The following WDTC1 variants were observed in gnomAD, a reference collection of about 807,000 sequenced individuals.
WDTC1 encodes the protein WD and tetratricopeptide repeats protein 1.
Under a neutral mutation model 76.0 loss-of-function variants are expected in WDTC1, and 12 were observed. That is an observed-to-expected ratio of 0.16 (90% CI 0.10 to 0.26). The LOEUF (loss-of-function observed/expected upper bound fraction) is 0.26. WDTC1 is among the 10% of genes least tolerant of loss of function. WDTC1 has a pLI of 1.00. For synonymous variants in WDTC1, 326 were observed against 350.8 expected (o/e 0.93, Z 0.79); for missense variants, 511 against 908.8 (o/e 0.56, Z 5.63).
intron 6 of WDTC1, among the ~76,000 whole-genome samples, chr1:27,290,963 C>T (rs1225607989): frequency 1.3e-5 from 2 of 152,232 alleles, no homozygotes; most frequent in African/African-American, 4.8e-5. Flanking sequence ...TTGTCAGTGG[C>T]AGGTCCAACT....
Position 27,261,008 on chromosome 1 carries a change from C to T in WDTC1, c.-47C>T. 6.2e-7 allele frequency: 1 copy of T among 1,608,836 alleles called. No individual in the cohort carries two copies. The highest frequency in any genetic ancestry group is 8.5e-7 in the Non-Finnish European group (1 of 1,175,890). On this transcript the variant is annotated 5_prime_UTR_variant, in exon 2 of 16. Coordinates refer to ENST00000319394, the MANE Select transcript of WDTC1 (RefSeq NM_001276252.2). ...GGGCTTGGCTGGAATGCTCAGGGGTCCTGAAGATCCTATTATAGCTTCCTT... is the reference window on the plus strand; with the variant it reads ...GGGCTTGGCTGGAATGCTCAGGGGTTCTGAAGATCCTATTATAGCTTCCTT...
Position 27,296,391 on chromosome 1 carries a change from C to G in WDTC1, c.939C>G (p.His313Gln). Residue 313 changes from histidine (H) to glutamine (Q), a missense_variant, in exon 10 of 16, where the codon CAC (histidine) becomes CAG (glutamine). Coordinates refer to ENST00000319394, the MANE Select transcript of WDTC1 (RefSeq NM_001276252.2). ...PYTFLLPRKC[H>Q]SSGEVQNGKM... ...CCTTCCTCTTGCCTAGAAAATGCCACTCCTCGGGGGGTAAGTTCTCCCTTA... is the reference window on the plus strand; with the variant it reads ...CCTTCCTCTTGCCTAGAAAATGCCAGTCCTCGGGGGGTAAGTTCTCCCTTA... The G allele has an allele frequency of 1.2e-6, 2 of 1,614,136 alleles. No homozygotes were observed. Among genetic ancestry groups the G allele is most frequent in the Non-Finnish European group, 1.7e-6 (2 of 1,180,022 alleles).
intron 3 of WDTC1, among the ~76,000 whole-genome samples, chr1:27,273,977 G>C (rs930043626): frequency 1.3e-5 from 2 of 152,062 alleles, no homozygotes; most frequent in African/African-American, 2.4e-5. Flanking sequence ...TTTCAAAATA[G>C]AAAGTTTAAA....
chr1:27,289,720 C>G (rs996542994), intron 6 of WDTC1, among the ~76,000 whole-genome samples: 3 of 151,962 alleles, frequency 2.0e-5, no homozygotes, highest in Admixed American at 1.3e-4. Flanking sequence ...AACGAGACTC[C>G]GTCTGCAATC....
At position 27,308,565 on chromosome 1, in the gene WDTC1, A is replaced by T. The variant is rs913865538; in HGVS notation, c.*2182A>T. On this transcript the variant is annotated 3_prime_UTR_variant, in exon 16 of 16. Coordinates refer to ENST00000319394, the MANE Select transcript of WDTC1 (RefSeq NM_001276252.2). ...CCAATATACACATGATTACTTGTAG[A>T]TATGTGTGTGTGTATATATATATAA... The T allele has an allele frequency of 8.5e-5, 13 of 152,130 alleles. No individual in the cohort carries two copies. The highest frequency in any genetic ancestry group is 3.1e-4 in the African/African-American group (13 of 41,436). 9.4% of individuals were successfully genotyped at this position (152,130 alleles called of 1,614,324 possible).
At chr1:27,294,260 A>G (rs2013622432) in intron 8 of WDTC1, 144 bp downstream of exon 8, 2 of 898,532 alleles carry the variant, frequency 2.2e-6, no homozygotes, top group East Asian at 2.7e-5. Flanking sequence ...CAACTCTGCC[A>G]TTGACAAGCT....
intron 3 of WDTC1, among the ~76,000 whole-genome samples, chr1:27,281,032 C>T (rs1309940699): frequency 6.6e-6 from 1 of 151,748 alleles, no homozygotes; most frequent in Non-Finnish European, 1.5e-5. Context: ...AAGATAAAGA[C>T]TCTGACCTAA....
intron 1 of WDTC1, among the ~76,000 whole-genome samples, chr1:27,241,703 TGA>T (rs1041930426): frequency 7.3e-5 from 11 of 151,182 alleles, no homozygotes; most frequent in African/African-American, 2.4e-4. Flanking sequence ...TTTTAAATAG[TGA>T]GAGAGTATAG....
chr1:27,280,270 C>T (rs1204333999), intron 3 of WDTC1, among the ~76,000 whole-genome samples: 1 of 152,094 alleles, frequency 6.6e-6, no homozygotes, highest in Non-Finnish European at 1.5e-5. Context: ...AAACATTGAG[C>T]TGGATTAAAG....
intron 1 of WDTC1, among the ~76,000 whole-genome samples, chr1:27,250,039 T>A (rs2011984658): frequency 6.6e-6 from 1 of 152,134 alleles, no homozygotes; most frequent in Non-Finnish European, 1.5e-5. Context: ...CAGCTTCATC[T>A]CTGGTAGGGA....
intron 12 of WDTC1, among the ~76,000 whole-genome samples, chr1:27,300,707 G>T (rs1190320998): frequency 6.6e-6 from 1 of 152,150 alleles, no homozygotes; most frequent in South Asian, 2.1e-4. Context: ...AGGACAGGGG[G>T]GGGTCTGGCT....
chr1:27,260,642 A>G (rs529735617), intron 1 of WDTC1, among the ~76,000 whole-genome samples: 1 of 152,320 alleles, frequency 6.6e-6, no homozygotes, highest in East Asian at 1.9e-4. Flanking sequence ...ATGTCTTTCT[A>G]GCTTTGCCTT....
rs963941225 is a variant in WDTC1 at position 27,303,365 on chromosome 1, T to G, written c.1469-256T>G. 6.6e-6 allele frequency among the ~76,000 whole-genome samples: 1 copy of G among 152,178 alleles called. No homozygotes were observed. Among genetic ancestry groups the G allele is most frequent in the Non-Finnish European group, 1.5e-5 (1 of 68,010 alleles). ...AACAGACTTTGAGTCTCTGCATCTTTGGGGCTTTCAGGCCCTCATTTAGGG... is the reference window on the plus strand; with the variant it reads ...AACAGACTTTGAGTCTCTGCATCTTGGGGGCTTTCAGGCCCTCATTTAGGG... On this transcript the variant is annotated intron_variant, in intron 13 of 15. Transcript: ENST00000319394. The surrounding 1 kb of genome is among the most constrained non-coding windows in gnomAD (Gnocchi z 4.8).
At chr1:27,256,123 CAA>C (rs1444089696) in intron 1 of WDTC1, among the ~76,000 whole-genome samples, 1 of 152,288 alleles carries the variant, frequency 6.6e-6, no homozygotes, top group South Asian at 2.1e-4. Flanking sequence ...AATGCTAAAA[CAA>C]GAGAAACTGG....
intron 1 of WDTC1, 51 bp from the exon 2 acceptor site, chr1:27,260,905 G>C (rs1183307149): frequency 4.6e-6 from 4 of 861,668 alleles, no homozygotes; most frequent in Non-Finnish European, 7.2e-6. Context: ...TTAGGTCTTG[G>C]GAGTCACTTT....
At chr1:27,256,057 A>T (rs190642982) in intron 1 of WDTC1, among the ~76,000 whole-genome samples, 30 of 152,314 alleles carry the variant, frequency 2.0e-4, no homozygotes, top group South Asian at 8.3e-4. Context: ...GATTATTGAA[A>T]AGATATTAAG....
At chr1:27,286,657 T>A (rs1570973766) in intron 5 of WDTC1, among the ~76,000 whole-genome samples, 1 of 146,896 alleles carries the variant, frequency 6.8e-6, no homozygotes, top group Middle Eastern at 3.4e-3. Context: ...AGAGACGGGG[T>A]TTCACCGTGT....
At position 27,303,537 on chromosome 1, in the gene WDTC1, C is replaced by A. The variant is rs769498343; in HGVS notation, c.1469-84C>A. 151 of 1,481,872 alleles carry A rather than the reference C, an allele frequency of 1.0e-4. No individual in the cohort carries two copies. The highest frequency in any genetic ancestry group is 1.3e-4 in the Non-Finnish European group (147 of 1,117,490). 91.8% of individuals were successfully genotyped at this position (1,481,872 alleles called of 1,614,324 possible). On this transcript the variant is annotated intron_variant, in intron 13 of 15. Transcript: ENST00000319394. The surrounding 1 kb of genome is among the most constrained non-coding windows in gnomAD (Gnocchi z 4.8). ...TAGCTCTATGTTGTCAGACTTTGGA[C>A]TGAAAACAGAGCCATAGGTGGGGGA...
chr1:27,292,046 C>G (rs1314600603), intron 6 of WDTC1, among the ~76,000 whole-genome samples, 169 bp from the exon 7 acceptor site: 1 of 152,150 alleles, frequency 6.6e-6, no homozygotes, highest in Non-Finnish European at 1.5e-5. Context: ...ACTACAGGTA[C>G]CTGGCACACT....
Sources: allele counts gnomAD v4.1 joint callset (sites outside exome capture counted in the v4.1 genomes callset), GRCh38; gene constraint gnomAD v4.1.1; non-coding constraint Gnocchi (gnomAD v3.1); transcripts MANE v1.5; gene names NCBI Gene and HGNC (gene_info 2026-07-23, HGNC 2026-07-21).